Variants in MYDGF observed in about 807,000 individuals in gnomAD.
The protein encoded by MYDGF is myeloid-derived growth factor.
MYDGF carries 29 observed loss-of-function variants against 24.2 expected under a neutral mutation model. That is an observed-to-expected ratio of 1.20 (90% confidence interval 0.89 to 1.63). The LOEUF (loss-of-function observed/expected upper bound fraction) is 1.63. MYDGF is among the 40% of genes most tolerant of loss of function. The pLI, the probability that MYDGF is intolerant of heterozygous loss-of-function variation, is 0.00. For missense variants in MYDGF, 245 were observed against 234.8 expected (o/e 1.04, Z -0.29); for synonymous variants, 105 against 102.5 (o/e 1.02, Z -0.15).
At chr19:4,663,428 A>G (rs901662827) in intron 3 of MYDGF, among the ~76,000 whole-genome samples, 3 of 27,474 alleles carry the variant, frequency 1.1e-4, no homozygotes, top group Non-Finnish European at 1.5e-4. Context: ...CTCTCCACCC[A>G]CCCCATCCTC....
chr19:4,661,889 T>G (rs1285870487), intron 3 of MYDGF, among the ~76,000 whole-genome samples: 1 of 152,114 alleles, frequency 6.6e-6, no homozygotes, highest in Non-Finnish European at 1.5e-5. Flanking sequence ...CCATCCCAAC[T>G]GCTCCAGACC....
chr19:4,661,407 C>A (rs970332237), intron 3 of MYDGF, among the ~76,000 whole-genome samples: 1 of 152,128 alleles, frequency 6.6e-6, no homozygotes, highest in Non-Finnish European at 1.5e-5. Context: ...GGTACTACGA[C>A]GGGGGCTGGG....
At chr19:4,665,768 C>G (rs2088515525) in intron 2 of MYDGF, among the ~76,000 whole-genome samples, 1 of 130,382 alleles carries the variant, frequency 7.7e-6, no homozygotes, top group Non-Finnish European at 1.6e-5. Context: ...TTGCAGTGAG[C>G]TGAGATCGCG....
chr19:4,670,192 A>T lies in MYDGF; in HGVS notation c.143T>A (p.Val48Glu). 6.4e-7 allele frequency: 1 copy of T among 1,555,602 alleles called. No homozygotes were observed. The highest frequency in any genetic ancestry group is 8.7e-7 in the Non-Finnish European group (1 of 1,154,104). Residue 48 changes from valine to glutamate, a missense_variant, in exon 1 of 6, where the codon GTG (valine) becomes GAG (glutamate). Physicochemically the swap from Val to Glu is moderately radical, Grantham distance 121. Transcript: ENST00000262947. ...GCCCACGTTATGGGAGAAGGAATGC[A>T]CGACGCCGCCGGGCCGCACGTCAAA... ...VAFDVRPGGV[V>E]HSFSHNVGPG...
chr19:4,668,667 A>G (rs372418013), intron 1 of MYDGF, 22 bp from the exon 2 acceptor site: 1,436 of 1,607,510 alleles, frequency 8.9e-4, no homozygotes, highest in Non-Finnish European at 1.1e-3. Flanking sequence ...AAGGAAAAAA[A>G]AGGTTTGGTA....
At chr19:4,668,919 C>T (rs545327396) in intron 1 of MYDGF, among the ~76,000 whole-genome samples, 1 of 151,316 alleles carries the variant, frequency 6.6e-6, no homozygotes, top group Non-Finnish European at 1.5e-5. Context: ...TCTCAGCTCA[C>T]TGCAACTTCT....
intron 4 of MYDGF, 197 bp downstream of exon 4, chr19:4,660,472 A>G (rs961212252): frequency 1.8e-6 from 1 of 564,300 alleles, no homozygotes. Context: ...CAGCAGCAAC[A>G]GGTTACCAAA....
intron 2 of MYDGF, among the ~76,000 whole-genome samples, chr19:4,666,065 C>T (rs2088519379): frequency 6.6e-6 from 1 of 151,778 alleles, no homozygotes; most frequent in Non-Finnish European, 1.5e-5. Flanking sequence ...TGCCTGTAAT[C>T]CCAGCACTTT....
rs564074850 is a variant in MYDGF at position 4,665,325 on chromosome 19, C to T, written c.226-388G>A. 5.3e-5 allele frequency among the ~76,000 whole-genome samples: 8 copies of T among 152,258 alleles called. No individual in the cohort carries two copies. The South Asian group carries it at 6.2e-4, about 12-fold the overall frequency. On this transcript the variant is annotated intron_variant, in intron 2 of 5. Coordinates refer to ENST00000262947, the MANE Select transcript of MYDGF (RefSeq NM_019107.4). Reference sequence around the variant, plus strand: ...GCAACCTCTACCTCCTGGGCTCAAGCGATCCTCCCACCTCAGCCTCCCAAG... The same window carrying T: ...GCAACCTCTACCTCCTGGGCTCAAGTGATCCTCCCACCTCAGCCTCCCAAG...
At chr19:4,662,366 T>C (rs1249171931) in intron 3 of MYDGF, among the ~76,000 whole-genome samples, 1 of 152,206 alleles carries the variant, frequency 6.6e-6, no homozygotes, top group Non-Finnish European at 1.5e-5. Context: ...GGCTGAGACA[T>C]TCTGGGCCAA....
At chr19:4,669,291 T>C (rs2088544719) in intron 1 of MYDGF, among the ~76,000 whole-genome samples, 1 of 152,274 alleles carries the variant, frequency 6.6e-6, no homozygotes, top group East Asian at 1.9e-4. Context: ...CTGGCTAACA[T>C]GGTGAAATCC....
chr19:4,657,679 C>T lies in MYDGF; in HGVS notation c.*326G>A, dbSNP rs562955270. 7.5e-4 allele frequency: 171 copies of T among 228,678 alleles called. No individual in the cohort carries two copies. The highest frequency in any genetic ancestry group is 3.6e-3 in the African/African-American group (158 of 44,294). The allele number at this position is 228,678 out of a possible 1,614,324, so 14.2% of individuals were successfully genotyped here. A position where few individuals can be genotyped will look rare whatever the true frequency, so the allele number is the denominator to read the frequency against. ...TCATGAAGGATGCTCGGCTGGAGGTCGGGGGGAGCATGGCTGCTTTCCCCA... is the reference window on the plus strand; with the variant it reads ...TCATGAAGGATGCTCGGCTGGAGGTTGGGGGGAGCATGGCTGCTTTCCCCA... On this transcript the variant is annotated 3_prime_UTR_variant, in exon 6 of 6. Coordinates refer to ENST00000262947, the MANE Select transcript of MYDGF (RefSeq NM_019107.4).
intron 3 of MYDGF, among the ~76,000 whole-genome samples, chr19:4,663,154 C>T (rs1330031399): frequency 1.3e-5 from 2 of 148,412 alleles, no homozygotes; most frequent in African/African-American, 5.0e-5. Flanking sequence ...CTACCCTCCC[C>T]ACCCGTCCTG....
At chr19:4,668,199 G>A (rs946441465) in intron 2 of MYDGF, among the ~76,000 whole-genome samples, 1 of 152,266 alleles carries the variant, frequency 6.6e-6, no homozygotes, top group Middle Eastern at 3.4e-3. Flanking sequence ...AATACCTTGA[G>A]TTTGGTTTTA....
At chr19:4,668,869 A>G (rs1599840953) in intron 1 of MYDGF, among the ~76,000 whole-genome samples, 1 of 149,322 alleles carries the variant, frequency 6.7e-6, no homozygotes, top group South Asian at 2.1e-4. Context: ...TTTTTTTTGA[A>G]GCAGAGTCTT....
intron 3 of MYDGF, among the ~76,000 whole-genome samples, chr19:4,664,223 G>A (rs2088503126): frequency 6.6e-6 from 1 of 152,078 alleles, no homozygotes; most frequent in South Asian, 2.1e-4. Flanking sequence ...GGATGAAAAT[G>A]TTCTGGAAGC....
intron 2 of MYDGF, among the ~76,000 whole-genome samples, chr19:4,665,560 G>A (rs1450765174): frequency 6.6e-6 from 1 of 152,034 alleles, no homozygotes; most frequent in Admixed American, 6.6e-5. Flanking sequence ...GGTGGCTCAC[G>A]CCTGTAATCC....
In MYDGF at chr19:4,660,818, G is replaced by C. The variant is rs185395879; in HGVS notation, c.288-68C>G. 1.5e-5 allele frequency: 21 copies of C among 1,395,946 alleles called. 1 individual carries two copies. In the African/African-American group the frequency reaches 2.3e-4, roughly 15 times the overall value. 86.5% of individuals were successfully genotyped at this position (1,395,946 alleles called of 1,614,324 possible). A position where few individuals can be genotyped will look rare whatever the true frequency, so the allele number is the denominator to read the frequency against. ...GGGTCTGGGTCTGTGTGCCCTGGAA[G>C]GAGCCCCGCCAGGGACTCGGGCTGG... On this transcript the variant is annotated intron_variant, in intron 3 of 5. Transcript: ENST00000262947.
intron 5 of MYDGF, among the ~76,000 whole-genome samples, chr19:4,658,968 A>G (rs920267490): frequency 1.3e-5 from 2 of 151,666 alleles, no homozygotes; most frequent in Admixed American, 6.6e-5. Context: ...ATCCTTGGCT[A>G]ATTTTGGTAT....
Sources: gnomAD v4.1 joint callset for allele counts (sites outside exome capture counted in the v4.1 genomes callset) on GRCh38, gnomAD v4.1.1 for gene constraint, MANE v1.5 for transcripts, NCBI Gene and HGNC (gene_info 2026-07-23, HGNC 2026-07-21) for gene names.